ARHGEF10: variants seen among roughly 807,000 people sequenced by gnomAD.
ARHGEF10 encodes the protein Rho guanine nucleotide exchange factor 10, also known as Rho guanine nucleotide exchange factor (GEF) 10.
A neutral mutation model predicts 147.4 loss-of-function variants in ARHGEF10; 140 were observed. The ratio of observed to expected loss-of-function variants is 0.95; its 90% CI spans 0.83 to 1.09. The LOEUF is 1.09. Among genes scored for constraint, ARHGEF10 ranks in the 50% least tolerant of loss-of-function variants. The pLI is 0.00. For missense variants in ARHGEF10, 2,222 were observed against 1,752.7 expected (o/e 1.27, Z -4.78); for synonymous variants, 902 against 695.8 (o/e 1.30, Z -4.67).
At chr8:1,951,169 A>T (rs758907939) in intron 27 of ARHGEF10, among the ~76,000 whole-genome samples, 26 of 152,320 alleles carry the variant, frequency 1.7e-4, no homozygotes, top group Admixed American at 2.6e-4. Flanking sequence ...GTTGAGTCAA[A>T]CTGCTGCTCT....
chr8:1,869,167 T>TA lies in ARHGEF10; in HGVS notation c.623-24dup, dbSNP rs149984010. On this transcript the variant is annotated intron_variant, in intron 6 of 28. Coordinates refer to ENST00000349830, the MANE Select transcript of ARHGEF10 (RefSeq NM_014629.4). Reference sequence around the variant, plus strand: ...GCACTAGGTTTTGTTGGTCACTGTTTAAAGTGTTTCTCCCCGTTTATTGCA... The same window carrying TA: ...GCACTAGGTTTTGTTGGTCACTGTTTAAAAGTGTTTCTCCCCGTTTATTGCA... The TA allele has an allele frequency of 9.0e-4, 1,441 of 1,604,964 alleles. 18 individuals carry two copies. In the African/African-American group the frequency reaches 0.017, roughly 19 times the overall value.
intron 26 of ARHGEF10, among the ~76,000 whole-genome samples, chr8:1,934,290 G>C (rs1813389705): frequency 6.9e-6 from 1 of 144,290 alleles, no homozygotes; most frequent in African/African-American, 2.6e-5. Context: ...GGAGGTCCAG[G>C]CTTCATTGAG....
intron 26 of ARHGEF10, among the ~76,000 whole-genome samples, chr8:1,939,903 T>G (rs1009581149): frequency 6.6e-6 from 1 of 152,190 alleles, no homozygotes; most frequent in Non-Finnish European, 1.5e-5. Context: ...CACAGTTCTG[T>G]GTAGTTTTCT....
intron 6 of ARHGEF10, 122 bp downstream of exon 6, chr8:1,866,724 T>A: frequency 1.0e-6 from 1 of 993,852 alleles, no homozygotes; most frequent in Admixed American, 1.9e-5. Flanking sequence ...GATGTTTATT[T>A]ACTGAAAATA....
chr8:1,946,449 G>T (rs536865797), intron 27 of ARHGEF10, among the ~76,000 whole-genome samples: 2 of 152,196 alleles, frequency 1.3e-5, no homozygotes. Context: ...GGTGCCTGCA[G>T]GGCCGGTTTC....
At chr8:1,946,451 G>T (rs575780703) in intron 27 of ARHGEF10, among the ~76,000 whole-genome samples, 2 of 152,204 alleles carry the variant, frequency 1.3e-5, no homozygotes, top group African/African-American at 4.8e-5. Context: ...TGCCTGCAGG[G>T]CCGGTTTCTG....
At chr8:1,924,791 G>C (rs1812561794) in intron 21 of ARHGEF10, among the ~76,000 whole-genome samples, 1 of 152,230 alleles carries the variant, frequency 6.6e-6, no homozygotes, top group Non-Finnish European at 1.5e-5. Context: ...TTCGTCTTCA[G>C]ATCAGCTATA....
At position 1,880,109 on chromosome 8, in the gene ARHGEF10, C is replaced by G; in HGVS notation, c.905C>G (p.Ala302Gly). ...HYEKKMRDLMASTVGVVEIQQ... is the reference protein window; with the variant it reads ...HYEKKMRDLMGSTVGVVEIQQ... Reference sequence around the variant, plus strand: ...GAGAAAAAGATGAGAGATTTGATGGCAAGCACGGTGGGCGTGGTGGAGATT... The same window carrying G: ...GAGAAAAAGATGAGAGATTTGATGGGAAGCACGGTGGGCGTGGTGGAGATT... Residue 302 changes from alanine (A) to glycine (G), a missense_variant, in exon 9 of 29, where the codon GCA becomes GGA. Transcript: ENST00000349830. The G allele has an allele frequency of 6.2e-7, 1 of 1,614,162 alleles. No homozygotes were observed. Among genetic ancestry groups the G allele is most frequent in the South Asian group, 1.1e-5 (1 of 91,084 alleles).
chr8:1,866,150 C>A (rs987929644), intron 5 of ARHGEF10, among the ~76,000 whole-genome samples: 2 of 152,142 alleles, frequency 1.3e-5, no homozygotes, highest in Non-Finnish European at 2.9e-5. Context: ...CGGCCCATTG[C>A]CCGCTGGCAT....
intron 1 of ARHGEF10, among the ~76,000 whole-genome samples, chr8:1,828,406 C>G (rs1372353811): frequency 1.3e-5 from 2 of 151,820 alleles, no homozygotes; most frequent in African/African-American, 2.4e-5. Context: ...TGCACACTTA[C>G]TGTTTTAAGG....
chr8:1,883,026 C>A (rs1808351931), intron 10 of ARHGEF10, among the ~76,000 whole-genome samples: 1 of 152,206 alleles, frequency 6.6e-6, no homozygotes, highest in Non-Finnish European at 1.5e-5. Flanking sequence ...GCAGGGGCCT[C>A]TGTCACTGTG....
At position 1,864,837 on chromosome 8, in the gene ARHGEF10, C is replaced by T. The variant is rs529889121; in HGVS notation, c.545+401C>T. Among the ~76,000 whole-genome samples the T allele has an allele frequency of 4.1e-4, 62 of 152,312 alleles. 1 individual carries two copies. The South Asian group carries it at 0.012, about 29-fold the overall frequency. ...AGCCACTAGAGCAGTGCTCTTGCCCCAGTTTAAACAGAGTTGTGCCACCAG... is the reference window on the plus strand; with the variant it reads ...AGCCACTAGAGCAGTGCTCTTGCCCTAGTTTAAACAGAGTTGTGCCACCAG... On this transcript the variant is annotated intron_variant, in intron 5 of 28. Transcript: ENST00000349830.
At chr8:1,865,217 G>T (rs918883560) in intron 5 of ARHGEF10, among the ~76,000 whole-genome samples, 5 of 152,222 alleles carry the variant, frequency 3.3e-5, no homozygotes, top group Admixed American at 3.3e-4. Flanking sequence ...CAGAGCAGGG[G>T]GCTGCATCCT....
chr8:1,886,960 C>T (rs575623821), intron 11 of ARHGEF10, among the ~76,000 whole-genome samples: 27 of 152,294 alleles, frequency 1.8e-4, no homozygotes, highest in Admixed American at 1.2e-3. Flanking sequence ...GAGGATCTAG[C>T]GCTTTCTCCT....
At chr8:1,884,928 C>G (rs76584524) in intron 10 of ARHGEF10, among the ~76,000 whole-genome samples, 6,642 of 152,110 alleles carry the variant, frequency 0.044, 176 homozygotes, top group East Asian at 0.075. Flanking sequence ...CCATGCCTGG[C>G]TAATTTTTAA....
At chr8:1,894,614 T>C in intron 13 of ARHGEF10, 42 bp downstream of exon 13, 4 of 1,603,370 alleles carry the variant, frequency 2.5e-6, no homozygotes, top group Non-Finnish European at 3.4e-6. Context: ...GGGCTCTCCA[T>C]GCACCTGTCC....
chr8:1,952,774 G>A lies in ARHGEF10; in HGVS notation c.3467G>A (p.Gly1156Glu). 1 of 1,613,652 alleles carries A rather than the reference G, an allele frequency of 6.2e-7. No individual in the cohort carries two copies. The highest frequency in any genetic ancestry group is 8.5e-7 in the Non-Finnish European group (1 of 1,180,050). ...HGLLMVGTSL[G>E]VLVALPVPRL... is the part of the protein sequence containing the mutation. ...TTGCTGATGGTCGGCACCAGCCTGG[G>A]AGTCCTCGTGGCCCTGCCGGTCCCA... The change falls in exon 28 of 29, where the codon GGA becomes GAA. Residue 1156 changes from glycine (G) to glutamate (E), a missense_variant. Coordinates refer to ENST00000349830, the MANE Select transcript of ARHGEF10 (RefSeq NM_014629.4).
In ARHGEF10 at chr8:1,929,391, C is replaced by G. The variant is rs765795976; in HGVS notation, c.3027C>G (p.Ser1009Arg). ...TVMSLACTSQSLYAGLVNGAV... is the reference protein window; with the variant it reads ...TVMSLACTSQRLYAGLVNGAV... ...TGAGCCTGGCTTGCACGTCTCAGAGCCTGTACGCTGGCCTGGTCAACGGGG... is the reference window on the plus strand; with the variant it reads ...TGAGCCTGGCTTGCACGTCTCAGAGGCTGTACGCTGGCCTGGTCAACGGGG... Residue 1009 changes from serine (S) to arginine (R), a missense_variant, in exon 25 of 29, where the codon AGC (serine) becomes AGG (arginine). Physicochemically the swap from Ser to Arg is moderately radical, Grantham distance 110. Transcript: ENST00000349830. 51 of 1,613,248 alleles carry G rather than the reference C, an allele frequency of 3.2e-5. No individual in the cohort carries two copies. Among genetic ancestry groups the G allele is most frequent in the Admixed American group, 1.7e-4 (10 of 60,004 alleles).
chr8:1,922,862 C>G (rs1409327337), intron 18 of ARHGEF10, 102 bp from the exon 19 acceptor site: 2 of 820,116 alleles, frequency 2.4e-6, no homozygotes, highest in East Asian at 2.6e-5. Context: ...CACCCCTCAA[C>G]TTAAAAATTA....
Sources: gnomAD v4.1 joint callset for allele counts (sites outside exome capture counted in the v4.1 genomes callset) on GRCh38, gnomAD v4.1.1 for gene constraint, MANE v1.5 for transcripts, NCBI Gene and HGNC (gene_info 2026-07-23, HGNC 2026-07-21) for gene names.